The following IGF2BP2 variants were observed in gnomAD, a reference collection of about 807,000 sequenced individuals.
IGF2BP2 encodes insulin like growth factor 2 mRNA binding protein 2.
A neutral mutation model predicts 75.8 loss-of-function variants in IGF2BP2; 17 were observed. The observed-to-expected ratio is 0.22, with a 90% CI of 0.15 to 0.34. IGF2BP2 has a LOEUF of 0.34. Ranked by LOEUF, IGF2BP2 falls within the 10% of genes least tolerant of loss-of-function variation. The pLI is 1.00. For synonymous variants in IGF2BP2, 288 were observed against 295.6 expected (o/e 0.97, Z 0.26); for missense variants, 516 against 772.4 (o/e 0.67, Z 3.93).
At chr3:185,723,389 T>C (rs1257497946) in intron 2 of IGF2BP2, among the ~76,000 whole-genome samples, 3 of 152,188 alleles carry the variant, frequency 2.0e-5, no homozygotes, top group Admixed American at 2.0e-4. Context: ...GGAAGATGGT[T>C]AGGCCAATCC....
At chr3:185,793,577 C>T (rs979728985) in intron 2 of IGF2BP2, among the ~76,000 whole-genome samples, 3 of 152,152 alleles carry the variant, frequency 2.0e-5, no homozygotes, top group Non-Finnish European at 2.9e-5. Flanking sequence ...TACCAAATTA[C>T]ACGCTCCAAA....
chr3:185,751,302 G>A (rs1730930424), intron 2 of IGF2BP2, among the ~76,000 whole-genome samples: 1 of 152,202 alleles, frequency 6.6e-6, no homozygotes, highest in Non-Finnish European at 1.5e-5. Flanking sequence ...AAGGGGTCGG[G>A]TGTGGTGGCT....
At chr3:185,677,044 G>GAGATATATATAGATATATATATATAT (rs1553855688) in intron 7 of IGF2BP2, among the ~76,000 whole-genome samples, 1 of 23,860 alleles carries the variant, frequency 4.2e-5, no homozygotes. Context: ...TATATATGGA[G>GAGATATATATAGATATATATATATAT]ATATATATAT....
intron 2 of IGF2BP2, among the ~76,000 whole-genome samples, chr3:185,782,958 G>A (rs937011726): frequency 1.9e-4 from 29 of 152,108 alleles, no homozygotes; most frequent in Admixed American, 6.5e-4. Context: ...TATGTAGTTG[G>A]GATTAACCAC....
At chr3:185,785,194 G>A (rs977283044) in intron 2 of IGF2BP2, among the ~76,000 whole-genome samples, 2 of 151,616 alleles carry the variant, frequency 1.3e-5, no homozygotes, top group East Asian at 1.9e-4. Context: ...CCAGCTACTC[G>A]GGAGGTTGAG....
At chr3:185,690,995 A>T (rs1721873965) in intron 5 of IGF2BP2, among the ~76,000 whole-genome samples, 1 of 152,188 alleles carries the variant, frequency 6.6e-6, no homozygotes, top group African/African-American at 2.4e-5. Flanking sequence ...AGGTCCACCC[A>T]AGCAGCAGCT....
chr3:185,717,512 A>G (rs1286193259), intron 2 of IGF2BP2: 1 of 152,214 alleles, frequency 6.6e-6, no homozygotes, highest in East Asian at 1.9e-4. Context: ...TCTTTGTTCA[A>G]TGTCAGAGAT....
At chr3:185,718,623 T>TG (rs1355681798) in intron 2 of IGF2BP2, among the ~76,000 whole-genome samples, 1 of 137,192 alleles carries the variant, frequency 7.3e-6, no homozygotes, top group African/African-American at 2.8e-5. Flanking sequence ...AGGTGGAGGT[T>TG]GTGGTGAGCT....
chr3:185,745,242 G>A (rs527609060), intron 2 of IGF2BP2, among the ~76,000 whole-genome samples: 4 of 152,166 alleles, frequency 2.6e-5, no homozygotes, highest in Non-Finnish European at 2.9e-5. Flanking sequence ...AGGAATGGTC[G>A]ACCAAGTTCA....
chr3:185,768,544 T>C (rs1370831613), intron 2 of IGF2BP2, among the ~76,000 whole-genome samples: 1 of 152,198 alleles, frequency 6.6e-6, no homozygotes, highest in Non-Finnish European at 1.5e-5. Context: ...AAATTATATT[T>C]TGAATATGTA....
chr3:185,680,390 C>T (rs766844842), intron 7 of IGF2BP2, among the ~76,000 whole-genome samples: 21 of 152,248 alleles, frequency 1.4e-4, no homozygotes, highest in African/African-American at 3.9e-4. Context: ...GAAGAATTAT[C>T]GCCAATCCTC....
chr3:185,726,453 T>C (rs890411434), intron 2 of IGF2BP2, among the ~76,000 whole-genome samples: 2 of 152,190 alleles, frequency 1.3e-5, no homozygotes, highest in Non-Finnish European at 2.9e-5. Context: ...TAAAATGAGA[T>C]GGTGAAATGC....
Position 185,689,350 on chromosome 3 carries a change from C to T in IGF2BP2, c.677+5G>A. The T allele has an allele frequency of 1.9e-6, 3 of 1,611,520 alleles. No homozygotes were observed. The highest frequency in any genetic ancestry group is 2.5e-6 in the Non-Finnish European group (3 of 1,179,356). ...GGAAGCAAAGGAAGCCCCACAGGCA[C>T]GTACCGGGACTGGGTCTGCTTAGTG... On this transcript the variant is annotated splice_donor_5th_base_variant and intron_variant, in intron 6 of 15. Transcript: ENST00000382199.
intron 2 of IGF2BP2, among the ~76,000 whole-genome samples, chr3:185,706,607 T>C (rs1251087530): frequency 6.6e-6 from 1 of 152,188 alleles, no homozygotes; most frequent in Non-Finnish European, 1.5e-5. Context: ...ATTCTATAAA[T>C]CTTTTGGACA....
chr3:185,718,040 T>C (rs1443537796), intron 2 of IGF2BP2: 1 of 152,242 alleles, frequency 6.6e-6, no homozygotes, highest in Non-Finnish European at 1.5e-5. Context: ...GGCAACCAGT[T>C]ACATGAACCG....
At position 185,657,331 on chromosome 3, in the gene IGF2BP2, C is replaced by T. The variant is rs988703820; in HGVS notation, c.1341G>A (p.Gly447=). The part of the protein sequence containing the change: ...QAVGAIIGKK[G]AHIKQLARFA... ...ATCTCGCCAGCTGTTTGATGTGTGC[C>T]CCCTTCTTCCCGATGATGGCGCCCA... Residue 447 remains glycine (G), a synonymous_variant, in exon 12 of 16, where the codon GGG becomes GGA. Coordinates refer to ENST00000382199, the MANE Select transcript of IGF2BP2 (RefSeq NM_006548.6). 3 of 1,613,938 alleles carry T rather than the reference C, an allele frequency of 1.9e-6. No homozygotes were observed. In the Admixed American group the frequency reaches 5.0e-5, roughly 27 times the overall value.
intron 2 of IGF2BP2, among the ~76,000 whole-genome samples, chr3:185,759,324 C>T (rs1310963174): frequency 6.6e-6 from 1 of 152,196 alleles, no homozygotes; most frequent in East Asian, 1.9e-4. Flanking sequence ...CTGCTCTACC[C>T]ATTTCTGTCC....
chr3:185,823,683 C>A (rs1741652065), intron 1 of IGF2BP2, among the ~76,000 whole-genome samples: 1 of 151,982 alleles, frequency 6.6e-6, no homozygotes, highest in East Asian at 2.0e-4. Context: ...GCAGCGACAG[C>A]CCTGTCCCTG....
In IGF2BP2 at chr3:185,720,476, T is replaced by G. The variant is rs1339961181; in HGVS notation, c.240-22129A>C. 2.0e-5 allele frequency among the ~76,000 whole-genome samples: 3 copies of G among 152,172 alleles called. 1 individual carries two copies. The South Asian group carries it at 6.2e-4, about 31-fold the overall frequency. Reference sequence around the variant, plus strand: ...CCGCGCCCGGCCCCCAAAGCCTATTTAAAGCTACTAACATGATATCACCAA... The same window carrying G: ...CCGCGCCCGGCCCCCAAAGCCTATTGAAAGCTACTAACATGATATCACCAA... On this transcript the variant is annotated intron_variant, in intron 2 of 15. Transcript: ENST00000382199.
Sources: allele counts gnomAD v4.1 joint callset (sites outside exome capture counted in the v4.1 genomes callset), GRCh38; gene constraint gnomAD v4.1.1; transcripts MANE v1.5; gene names NCBI Gene and HGNC (gene_info 2026-07-23, HGNC 2026-07-21).